The following RNMT variants were observed in gnomAD, a reference collection of about 807,000 sequenced individuals.
RNMT encodes the protein mRNA cap guanine-N(7) methyltransferase.
In RNMT, 27 loss-of-function variants were observed where a neutral mutation model predicts 56.0. That is an observed-to-expected ratio of 0.48 (90% CI 0.36 to 0.67). RNMT has a LOEUF of 0.67. Among genes scored for constraint, RNMT ranks in the 30% least tolerant of loss-of-function variants. The pLI, the probability that RNMT is intolerant of heterozygous loss-of-function variation, is 0.00. For missense variants in RNMT, 519 were observed against 552.1 expected, an observed-to-expected ratio of 0.94 and a Z score of 0.60; for synonymous variants, 184 against 176.2, an observed-to-expected ratio of 1.04 and a Z score of -0.35.
chr18:13,733,481 G>A (rs1008428112), intron 3 of RNMT, among the ~76,000 whole-genome samples: 1 of 152,004 alleles, frequency 6.6e-6, no homozygotes, highest in Non-Finnish European at 1.5e-5. Context: ...GGGTTCAAGC[G>A]ATTCTCCTGC....
At chr18:13,746,405 T>C (rs1382084437) in intron 9 of RNMT, 68 bp downstream of exon 9, 2 of 865,566 alleles carry the variant, frequency 2.3e-6, no homozygotes, top group Middle Eastern at 2.2e-4. Context: ...TTGAGATCCT[T>C]GCAAGGCCAT....
intron 9 of RNMT, among the ~76,000 whole-genome samples, chr18:13,751,559 C>T (rs937952920): frequency 5.3e-5 from 8 of 152,168 alleles, no homozygotes; most frequent in African/African-American, 1.7e-4. Flanking sequence ...GACAATGTGG[C>T]GATTCCTCAA....
chr18:13,759,814 T>TA, intron 11 of RNMT, 128 bp from the exon 12 acceptor site: 1 of 698,272 alleles, frequency 1.4e-6, no homozygotes, highest in Non-Finnish European at 2.4e-6. Context: ...CTCTTAGAAT[T>TA]AATGGGGATT....
Position 13,761,998 on chromosome 18 carries a change from T to G in RNMT, c.*2019T>G, listed in dbSNP as rs1431217997. 1.5e-5 allele frequency: 23 copies of G among 1,535,622 alleles called. No homozygotes were observed. Among genetic ancestry groups the G allele is most frequent in the Non-Finnish European group, 1.9e-5 (22 of 1,146,648 alleles). ...GGAAGGGAGCTAGTAGGACTCTTCCTTGACACACCTTGTCGTCTAAATGTT... is the reference window on the plus strand; with the variant it reads ...GGAAGGGAGCTAGTAGGACTCTTCCGTGACACACCTTGTCGTCTAAATGTT... On this transcript the variant is annotated 3_prime_UTR_variant, in exon 12 of 12. Coordinates refer to ENST00000383314, the MANE Select transcript of RNMT (RefSeq NM_003799.3).
chr18:13,732,015 T>C, intron 3 of RNMT, 81 bp downstream of exon 3: 4 of 1,117,358 alleles, frequency 3.6e-6, no homozygotes, highest in Non-Finnish European at 5.1e-6. Flanking sequence ...CATACTGGTT[T>C]TTACATAATA....
rs751480109 is a variant in RNMT at position 13,741,499 on chromosome 18, A to G, written c.793-11A>G. The G allele has an allele frequency of 5.0e-6, 8 of 1,601,616 alleles. No individual in the cohort carries two copies. In the Admixed American group the frequency reaches 1.4e-4, roughly 27 times the overall value. On this transcript the variant is annotated splice_polypyrimidine_tract_variant and intron_variant, in intron 6 of 11. Transcript: ENST00000383314. ...TACCTCACAATCTTAACTCATTTTA[A>G]TTTGTTTCAGGAACTTCTGATTGAC...
At position 13,762,429 on chromosome 18, in the gene RNMT, CACCA is replaced by C; in HGVS notation, c.*2451_*2454del. 1 of 373,688 alleles carries C rather than the reference CACCA, an allele frequency of 2.7e-6. No homozygotes were observed. Among genetic ancestry groups the C allele is most frequent in the Non-Finnish European group, 4.9e-6 (1 of 204,956 alleles). The allele number at this position is 373,688 out of a possible 1,614,324, so 23.1% of individuals were successfully genotyped here. On this transcript the variant is annotated 3_prime_UTR_variant, in exon 12 of 12. Coordinates refer to ENST00000383314, the MANE Select transcript of RNMT (RefSeq NM_003799.3). ...TGAGAGTGACTCTGCAGAGTCACTG[CACCA>C]TCAGGCTTGGCCCTGCTGTGCCTTC...
chr18:13,736,920 C>A, intron 4 of RNMT, 90 bp from the exon 5 acceptor site: 1 of 1,161,190 alleles, frequency 8.6e-7, no homozygotes, highest in Non-Finnish European at 1.2e-6. Flanking sequence ...ACATATTGGG[C>A]AAAAGATAGT....
intron 11 of RNMT, among the ~76,000 whole-genome samples, chr18:13,754,756 T>G (rs1444390712): frequency 6.6e-6 from 1 of 152,198 alleles, no homozygotes; most frequent in Non-Finnish European, 1.5e-5. Flanking sequence ...AGATTTCTAC[T>G]GGAATTTTTG....
chr18:13,753,349 C>G (rs1004629009), intron 10 of RNMT, among the ~76,000 whole-genome samples: 1 of 152,154 alleles, frequency 6.6e-6, no homozygotes, highest in Non-Finnish European at 1.5e-5. Context: ...CCTATAGTCC[C>G]AGCTACTTGT....
At chr18:13,756,882 G>A (rs889471087) in intron 11 of RNMT, among the ~76,000 whole-genome samples, 1 of 152,180 alleles carries the variant, frequency 6.6e-6, no homozygotes, top group Non-Finnish European at 1.5e-5. Flanking sequence ...CCTAGCACAT[G>A]CCCCAAACAT....
intron 9 of RNMT, among the ~76,000 whole-genome samples, chr18:13,749,615 A>C (rs2044407797): frequency 6.6e-6 from 1 of 152,254 alleles, no homozygotes; most frequent in African/African-American, 2.4e-5. Context: ...AAGAATTATA[A>C]AGAATTATAA....
At position 13,737,049 on chromosome 18, in the gene RNMT, A is replaced by C; in HGVS notation, c.593A>C (p.Asp198Ala). The C allele has an allele frequency of 1.2e-6, 2 of 1,613,582 alleles. No homozygotes were observed. Among genetic ancestry groups the C allele is most frequent in the Middle Eastern group, 1.6e-4 (1 of 6,062 alleles). The change falls in exon 5 of 12, where the codon GAT (aspartate) becomes GCT (alanine). Residue 198 changes from aspartate (D) to alanine (A), a missense_variant. Asp to Ala is a moderately radical substitution (Grantham distance 126). Coordinates refer to ENST00000383314, the MANE Select transcript of RNMT (RefSeq NM_003799.3). ...LEKVRQKKKR[D>A]ITVLDLGCGK... is the part of the protein sequence containing the mutation. The stretch of plus-strand genomic sequence containing the variant: ...AAGGTACGACAGAAGAAAAAACGTG[A>C]TATCACTGTTTTGGACCTGGGATGT...
At chr18:13,754,301 G>A (rs1412987243) in intron 11 of RNMT, among the ~76,000 whole-genome samples, 154 bp downstream of exon 11, 1 of 152,092 alleles carries the variant, frequency 6.6e-6, no homozygotes. Context: ...GAGCCCAGGA[G>A]TTGAGACCGG....
chr18:13,735,107 T>TA (rs1568500216), intron 4 of RNMT, among the ~76,000 whole-genome samples: 1 of 151,994 alleles, frequency 6.6e-6, no homozygotes, highest in African/African-American at 2.4e-5. Flanking sequence ...TAAGATAGGG[T>TA]AAAAAAAAGA....
Position 13,745,800 on chromosome 18 carries a change from T to C in RNMT, c.1140-420T>C, listed in dbSNP as rs113606082. ...AAACCTGCAAAGAAGCAGTTCATGA[T>C]GTAGGGGAAAAATTAATAGTGTATC... On this transcript the variant is annotated intron_variant, in intron 8 of 11. Coordinates refer to ENST00000383314, the MANE Select transcript of RNMT (RefSeq NM_003799.3). Among the ~76,000 whole-genome samples, 3 of 150,588 alleles carry C rather than the reference T, an allele frequency of 2.0e-5. No individual in the cohort carries two copies. The East Asian group carries it at 5.8e-4, about 29-fold the overall frequency.
intron 4 of RNMT, 93 bp from the exon 5 acceptor site, chr18:13,736,917 G>T: frequency 9.1e-7 from 1 of 1,100,284 alleles, no homozygotes; most frequent in East Asian, 2.4e-5. Flanking sequence ...GTTACATATT[G>T]GGCAAAAGAT....
Position 13,739,585 on chromosome 18 carries a change from C to T in RNMT, c.680-582C>T, listed in dbSNP as rs151326516. On this transcript the variant is annotated intron_variant, in intron 5 of 11. Coordinates refer to ENST00000383314, the MANE Select transcript of RNMT (RefSeq NM_003799.3). ...ATCACTTGAGGCCAGAAGTTAGAGA[C>T]CAGCCTGGCCAATGTGGTGAAACCC... 3.1e-3 allele frequency among the ~76,000 whole-genome samples: 472 copies of T among 152,260 alleles called. 3 individuals are homozygous for T. The highest frequency in any genetic ancestry group is 0.011 in the African/African-American group (453 of 41,550).
chr18:13,737,322 A>T lies in RNMT; in HGVS notation c.679+187A>T, dbSNP rs186287759. ...TTTGGAAGGCTGAGGTGGGTGGATC[A>T]CTTGAGGTCAGGAGTTTGAGACCGG... On this transcript the variant is annotated intron_variant, in intron 5 of 11. Transcript: ENST00000383314. 2.6e-4 allele frequency among the ~76,000 whole-genome samples: 39 copies of T among 152,216 alleles called. No individual in the cohort carries two copies. The East Asian group carries it at 6.8e-3, about 26-fold the overall frequency.
Sources: gnomAD v4.1 joint callset for allele counts (sites outside exome capture counted in the v4.1 genomes callset) on GRCh38, gnomAD v4.1.1 for gene constraint, MANE v1.5 for transcripts, NCBI Gene and HGNC (gene_info 2026-07-23, HGNC 2026-07-21) for gene names.